CSRNP3: variants seen among roughly 807,000 people sequenced by gnomAD.
CSRNP3 encodes the protein cysteine and serine rich nuclear protein 3, also known as cysteine/serine-rich nuclear protein 3.
In CSRNP3, 12 loss-of-function variants were observed where a neutral mutation model predicts 48.0. The ratio of observed to expected loss-of-function variants is 0.25; its 90% CI spans 0.16 to 0.41. The LOEUF (loss-of-function observed/expected upper bound fraction) is 0.41, where lower values mean the gene tolerates loss of function less well. CSRNP3 is among the 10% of genes least tolerant of loss of function. The probability of loss-of-function intolerance (pLI) is 1.00; values close to 1 mark genes in which losing one functional copy is unlikely to be tolerated. For missense variants in CSRNP3, 580 were observed against 724.4 expected (o/e 0.80, Z 2.29); for synonymous variants, 263 against 269.7 (o/e 0.98, Z 0.24).
At chr2:165,592,581 G>T (rs1474290655) in intron 3 of CSRNP3, among the ~76,000 whole-genome samples, 2 of 151,966 alleles carry the variant, frequency 1.3e-5, no homozygotes, top group Non-Finnish European at 2.9e-5. Context: ...GTGTTGGGGG[G>T]GTAATTGAAT....
intron 2 of CSRNP3, among the ~76,000 whole-genome samples, chr2:165,503,355 A>G (rs1684382627): frequency 6.6e-6 from 1 of 151,946 alleles, no homozygotes; most frequent in Non-Finnish European, 1.5e-5. Context: ...TTCTGTTCCT[A>G]TGCTAAATTA....
chr2:165,561,505 A>T (rs1009728229), intron 3 of CSRNP3, among the ~76,000 whole-genome samples: 3 of 152,106 alleles, frequency 2.0e-5, no homozygotes, highest in Non-Finnish European at 2.9e-5. Context: ...TTGATATTCT[A>T]CAAAAAGTCA....
At chr2:165,552,086 G>A (rs529177161) in intron 3 of CSRNP3, among the ~76,000 whole-genome samples, 2 of 152,286 alleles carry the variant, frequency 1.3e-5, no homozygotes, top group Admixed American at 1.3e-4. Flanking sequence ...CTGCTGAGCA[G>A]GCCAGTGTTC....
intron 3 of CSRNP3, among the ~76,000 whole-genome samples, chr2:165,563,964 G>A (rs62174752): frequency 0.034 from 5,140 of 152,074 alleles, 132 homozygotes; most frequent in African/African-American, 0.063. Context: ...TTATCATCAT[G>A]CAGGGTTTGG....
At chr2:165,674,566 G>A (rs1687387367) in intron 5 of CSRNP3, among the ~76,000 whole-genome samples, 1 of 148,324 alleles carries the variant, frequency 6.7e-6, no homozygotes, top group African/African-American at 2.5e-5. Flanking sequence ...CCAATAAAGA[G>A]GAATGTGTAC....
chr2:165,589,371 G>T (rs1442446534), intron 3 of CSRNP3, among the ~76,000 whole-genome samples: 11 of 152,232 alleles, frequency 7.2e-5, no homozygotes, highest in Admixed American at 3.3e-4. Context: ...AAATTTTGTT[G>T]TGACATTTTG....
chr2:165,602,163 T>C (rs1041080780), intron 4 of CSRNP3, among the ~76,000 whole-genome samples: 20 of 152,176 alleles, frequency 1.3e-4, no homozygotes, highest in African/African-American at 4.8e-4. Context: ...ACAAGAGTTT[T>C]AGAAGAAGTC....
chr2:165,484,027 T>C (rs1289655113), intron 1 of CSRNP3, among the ~76,000 whole-genome samples: 3 of 152,058 alleles, frequency 2.0e-5, no homozygotes, highest in Admixed American at 6.6e-5. Context: ...AGTAAGAAAA[T>C]TGTATTTTAT....
chr2:165,541,152 A>G (rs1574829218), intron 3 of CSRNP3, among the ~76,000 whole-genome samples: 1 of 151,396 alleles, frequency 6.6e-6, no homozygotes, highest in South Asian at 2.1e-4. Flanking sequence ...CTCAATCCCC[A>G]TCTAGAGTTT....
intron 3 of CSRNP3, among the ~76,000 whole-genome samples, chr2:165,535,711 GGAACACA>G (rs1455000769): frequency 6.6e-6 from 1 of 151,580 alleles, no homozygotes; most frequent in African/African-American, 2.4e-5. Flanking sequence ...AATGAAGAGG[GGAACACA>G]GTCTGGAAAA....
intron 4 of CSRNP3, among the ~76,000 whole-genome samples, chr2:165,602,061 T>C (rs1197092059): frequency 6.6e-6 from 1 of 152,128 alleles, no homozygotes; most frequent in African/African-American, 2.4e-5. Context: ...TAGTATTAGT[T>C]TGAGAACTAA....
intron 1 of CSRNP3, among the ~76,000 whole-genome samples, chr2:165,485,542 T>C (rs1483997036): frequency 2.0e-5 from 3 of 151,998 alleles, no homozygotes; most frequent in African/African-American, 7.2e-5. Context: ...TATAAGTGAG[T>C]TTTTAAGGTG....
At chr2:165,615,843 T>C (rs1015455355) in intron 4 of CSRNP3, among the ~76,000 whole-genome samples, 1 of 151,094 alleles carries the variant, frequency 6.6e-6, no homozygotes, top group Non-Finnish European at 1.5e-5. Flanking sequence ...CCTGAGAATA[T>C]GGCACTATAG....
chr2:165,548,394 G>A (rs1400990212), intron 3 of CSRNP3, among the ~76,000 whole-genome samples: 1 of 151,950 alleles, frequency 6.6e-6, no homozygotes, highest in Non-Finnish European at 1.5e-5. Context: ...GATACTCTGA[G>A]GATTAAATGG....
intron 2 of CSRNP3, among the ~76,000 whole-genome samples, chr2:165,498,138 A>AG (rs1238406853): frequency 2.6e-5 from 4 of 152,082 alleles, no homozygotes; most frequent in African/African-American, 9.7e-5. Flanking sequence ...TATGTCACTG[A>AG]CATTGATGGA....
Position 165,679,893 on chromosome 2 carries a change from T to G in CSRNP3, c.*140T>G, listed in dbSNP as rs541881313. On this transcript the variant is annotated 3_prime_UTR_variant, in exon 7 of 7. Coordinates refer to ENST00000651982, the MANE Select transcript of CSRNP3 (RefSeq NM_001172173.2). ...AATCTTCCAGACTGTATTTTGTTTT[T>G]TCCTTTCTAGCCACATGACTGTGGC... 8 of 1,233,298 alleles carry G rather than the reference T, an allele frequency of 6.5e-6. No homozygotes were observed. In the East Asian group the frequency reaches 1.9e-4, roughly 29 times the overall value. The allele number at this position is 1,233,298 out of a possible 1,614,324, so 76.4% of individuals were successfully genotyped here. A position where few individuals can be genotyped will look rare whatever the true frequency, so the allele number is the denominator to read the frequency against.
chr2:165,474,341 A>G (rs548955733), intron 1 of CSRNP3, among the ~76,000 whole-genome samples: 12 of 152,192 alleles, frequency 7.9e-5, no homozygotes, highest in Admixed American at 2.6e-4. Flanking sequence ...CTGGGCTCCA[A>G]TGATTATTCT....
intron 3 of CSRNP3, among the ~76,000 whole-genome samples, chr2:165,555,908 C>A (rs768542899): frequency 6.6e-6 from 1 of 152,104 alleles, no homozygotes; most frequent in African/African-American, 2.4e-5. Context: ...AAGACTGAGA[C>A]GGGAAGTGGA....
At position 165,679,523 on chromosome 2, in the gene CSRNP3, G is replaced by A; in HGVS notation, c.1528G>A (p.Asp510Asn). Residue 510 changes from aspartate (D) to asparagine (N), a missense_variant, in exon 7 of 7, where the codon GAT (aspartate) becomes AAT (asparagine). Asp to Asn is a conservative substitution (Grantham distance 23). This residue lies in a region of CSRNP3 where 369 missense variants were observed against 380.8 expected (regional missense o/e 0.97). Transcript: ENST00000651982. ...VIVCCSSSEN[D>N]SGVPCNSLYP... ...CGTTTGCTGCTCCTCTTCCGAAAAT[G>A]ATAGCGGTGTGCCCTGCAATAGTTT... 1 of 1,613,752 alleles carries A rather than the reference G, an allele frequency of 6.2e-7. No homozygotes were observed. The highest frequency in any genetic ancestry group is 1.3e-5 in the African/African-American group (1 of 74,958).
Sources: allele counts gnomAD v4.1 joint callset (sites outside exome capture counted in the v4.1 genomes callset), GRCh38; gene constraint gnomAD v4.1.1; regional missense constraint gnomAD v4.1.1; transcripts MANE v1.5; gene names NCBI Gene and HGNC (gene_info 2026-07-23, HGNC 2026-07-21).